GPC4: variants seen among roughly 807,000 people sequenced by gnomAD.
GPC4 encodes glypican-4.
A neutral mutation model predicts 35.0 loss-of-function variants in GPC4; 10 were observed. The ratio of observed to expected loss-of-function variants is 0.29; its 90% confidence interval spans 0.18 to 0.48. The LOEUF is 0.48. Ranked by LOEUF, GPC4 falls within the 20% of genes least tolerant of loss-of-function variation. The pLI, the probability that GPC4 is intolerant of heterozygous loss-of-function variation, is 0.99. For synonymous variants in GPC4, 167 were observed against 170.2 expected, an observed-to-expected ratio of 0.98 and a Z score of 0.15; for missense variants, 322 against 451.3, an observed-to-expected ratio of 0.71 and a Z score of 2.60.
At chrX:133,385,091 T>C in intron 1 of GPC4, among the ~76,000 whole-genome samples, 1 of 112,489 alleles carries the variant, frequency 8.9e-6, no homozygotes, top group Middle Eastern at 4.6e-3. Context: ...GTTATCACTG[T>C]CCTGCACCTT....
At chrX:133,354,889 G>C (rs1296198180) in intron 1 of GPC4, among the ~76,000 whole-genome samples, 1 of 111,990 alleles carries the variant, frequency 8.9e-6, no homozygotes, top group Non-Finnish European at 1.9e-5. Context: ...TTTTAATCTA[G>C]CTACTCTTAT....
Position 133,347,248 on chromosome X carries a change from G to GTTTTTTTT in GPC4, c.161-7915_161-7908dup, listed in dbSNP as rs763800349. Among the ~76,000 whole-genome samples, 76 of 25,427 alleles carry GTTTTTTTT rather than the reference G, an allele frequency of 3.0e-3. 17 individuals carry two copies. Among genetic ancestry groups the GTTTTTTTT allele is most frequent in the African/African-American group, 9.3e-3 (67 of 7,194 alleles). 22.1% of individuals were successfully genotyped at this position (25,427 alleles called of 115,157 possible). Reference sequence around the variant, plus strand: ...TAAATCTAAAACTCTTCTATTAGAAGTTTTTTTTTTTTTTTTTTTTTTTTT... The same window carrying GTTTTTTTT: ...TAAATCTAAAACTCTTCTATTAGAAGTTTTTTTTTTTTTTTTTTTTTTTTTTTTTTTTT... On this transcript the variant is annotated intron_variant, in intron 1 of 8. Coordinates refer to ENST00000370828, the MANE Select transcript of GPC4 (RefSeq NM_001448.3).
intron 1 of GPC4, among the ~76,000 whole-genome samples, chrX:133,365,385 T>A (rs2068585477): frequency 8.9e-6 from 1 of 112,069 alleles, no homozygotes; most frequent in Non-Finnish European, 1.9e-5. Context: ...TCAGGTACAG[T>A]GCAAAATGCT....
At chrX:133,313,072 A>G (rs1421084274) in intron 3 of GPC4, among the ~76,000 whole-genome samples, 1 of 112,169 alleles carries the variant, frequency 8.9e-6, no homozygotes, top group Non-Finnish European at 1.9e-5. Flanking sequence ...CAGTTCTGCT[A>G]ACACAGACTT....
chrX:133,365,369 A>T (rs995149763), intron 1 of GPC4, among the ~76,000 whole-genome samples: 3 of 111,980 alleles, frequency 2.7e-5, no homozygotes, highest in Non-Finnish European at 5.6e-5. Flanking sequence ...GAGTAACTAG[A>T]ATACATCAGG....
At chrX:133,406,233 C>T (rs1401442856) in intron 1 of GPC4, among the ~76,000 whole-genome samples, 3 of 112,374 alleles carry the variant, frequency 2.7e-5, no homozygotes, top group Admixed American at 9.4e-5. Context: ...TCTCATTGTG[C>T]TTGTCTTATG....
intron 2 of GPC4, among the ~76,000 whole-genome samples, chrX:133,326,099 T>G (rs1002253852): frequency 6.4e-5 from 7 of 109,844 alleles, no homozygotes; most frequent in Admixed American, 3.9e-4. Flanking sequence ...TTTTATTTAC[T>G]GGGCTTTCTT....
rs746000606 is a variant in GPC4, at chrX:133,321,332, C to G, written c.711+2813G>C. 1.3e-4 allele frequency among the ~76,000 whole-genome samples: 15 copies of G among 111,768 alleles called. No homozygotes were observed. The South Asian group carries it at 5.7e-3, about 42-fold the overall frequency. On this transcript the variant is annotated intron_variant, in intron 3 of 8. Coordinates refer to ENST00000370828, the MANE Select transcript of GPC4 (RefSeq NM_001448.3). ...GTCTCTAAACTTCTCAGTTTGGCTA[C>G]CCTCCCCATCCATGTTTGTAGGTTC... is the stretch of plus-strand genomic sequence containing the variant.
intron 2 of GPC4, among the ~76,000 whole-genome samples, chrX:133,324,873 G>A (rs1180697433): frequency 9.0e-6 from 1 of 111,430 alleles, no homozygotes; most frequent in Non-Finnish European, 1.9e-5. Flanking sequence ...AAGAAAAACT[G>A]GAAAAAATGT....
intron 2 of GPC4, among the ~76,000 whole-genome samples, chrX:133,328,557 T>C (rs1415388215): frequency 9.0e-6 from 1 of 111,326 alleles, no homozygotes; most frequent in Non-Finnish European, 1.9e-5. Flanking sequence ...AATTAGCCAT[T>C]CAGATCCTGG....
In GPC4 at chrX:133,414,505, A is replaced by T. The variant is rs1260408539; in HGVS notation, c.160+301T>A. On this transcript the variant is annotated intron_variant, in intron 1 of 8. Transcript: ENST00000370828. ...TCAGGGGCTTCCCGGGACGGCGAAT[A>T]ATGCAGGGGGGAGAGGAGGAGCGGA... is the stretch of plus-strand genomic sequence containing the variant. The T allele has an allele frequency of 4.0e-6, 3 of 751,910 alleles. No individual in the cohort carries two copies. The African/African-American group carries it at 7.0e-5, about 17-fold the overall frequency. 62.0% of individuals were successfully genotyped at this position (751,910 alleles called of 1,213,427 possible).
rs1389632493 is a variant in GPC4 at position 133,300,164 on chromosome X, A to T, written c.*2703T>A. 8.9e-6 allele frequency: 1 copy of T among 112,605 alleles called. No individual in the cohort carries two copies. Among genetic ancestry groups the T allele is most frequent in the African/African-American group, 3.2e-5 (1 of 31,077 alleles). The allele number at this position is 112,605 out of a possible 1,213,427, so 9.3% of individuals were successfully genotyped here. A position where few individuals can be genotyped will look rare whatever the true frequency, so the allele number is the denominator to read the frequency against. ...AATCACAAATGACAATTTTTACTTCATGTGAACTGTTAGGTTTTGAACACT... is the reference window on the plus strand; with the variant it reads ...AATCACAAATGACAATTTTTACTTCTTGTGAACTGTTAGGTTTTGAACACT... On this transcript the variant is annotated 3_prime_UTR_variant, in exon 9 of 9. Transcript: ENST00000370828.
At chrX:133,355,320 T>C (rs1368923922) in intron 1 of GPC4, among the ~76,000 whole-genome samples, 1 of 111,674 alleles carries the variant, frequency 9.0e-6, no homozygotes, top group African/African-American at 3.3e-5. Flanking sequence ...TAGGAAAAGG[T>C]GCTCAGTAGC....
At chrX:133,360,534 G>GA (rs1422147180) in intron 1 of GPC4, among the ~76,000 whole-genome samples, 1,499 of 101,955 alleles carry the variant, frequency 0.015, 35 homozygotes, top group African/African-American at 0.05. Context: ...TGGGTTTGCC[G>GA]AAAAAAAAAA....
At chrX:133,345,078 G>C (rs754501229) in intron 1 of GPC4, among the ~76,000 whole-genome samples, 1 of 111,896 alleles carries the variant, frequency 8.9e-6, no homozygotes, top group Non-Finnish European at 1.9e-5. Context: ...TTTAAGGAGT[G>C]AATTTAAAAG....
chrX:133,382,342 C>T (rs1348068848), intron 1 of GPC4, among the ~76,000 whole-genome samples: 11 of 97,450 alleles, frequency 1.1e-4, no homozygotes, highest in Admixed American at 4.9e-4. Context: ...AGGAGAATGG[C>T]GTGAACCCAG....
intron 1 of GPC4, among the ~76,000 whole-genome samples, chrX:133,348,193 C>T (rs2068501512): frequency 8.9e-6 from 1 of 112,156 alleles, no homozygotes; most frequent in Non-Finnish European, 1.9e-5. Context: ...AGCAAATTGT[C>T]AACCAAGGTT....
chrX:133,369,780 A>G (rs2068604670), intron 1 of GPC4, among the ~76,000 whole-genome samples: 1 of 111,797 alleles, frequency 8.9e-6, no homozygotes, highest in Non-Finnish European at 1.9e-5. Flanking sequence ...CATTTTCATC[A>G]GAAAATTGTT....
At chrX:133,393,346 T>C (rs2068728432) in intron 1 of GPC4, among the ~76,000 whole-genome samples, 1 of 111,607 alleles carries the variant, frequency 9.0e-6, no homozygotes, top group Non-Finnish European at 1.9e-5. Flanking sequence ...GCAACTAATT[T>C]GTAGTTCAGG....
Sources: allele counts gnomAD v4.1 joint callset (sites outside exome capture counted in the v4.1 genomes callset), GRCh38; gene constraint gnomAD v4.1.1; transcripts MANE v1.5; gene names NCBI Gene and HGNC (gene_info 2026-07-23, HGNC 2026-07-21).